The following GRAMD1A variants were observed in gnomAD, a reference collection of about 807,000 sequenced individuals.
GRAMD1A encodes protein Aster-A.
GRAMD1A carries 50 observed loss-of-function variants against 92.0 expected under a neutral mutation model. The ratio of observed to expected loss-of-function variants is 0.54; its 90% confidence interval spans 0.43 to 0.69. The LOEUF (loss-of-function observed/expected upper bound fraction) is 0.69. Ranked by LOEUF, GRAMD1A falls within the 30% of genes least tolerant of loss-of-function variation. The probability of loss-of-function intolerance (pLI) is 0.00; values close to 1 mark genes in which losing one functional copy is unlikely to be tolerated. For missense variants in GRAMD1A, 819 were observed against 978.9 expected (o/e 0.84, Z 2.18); for synonymous variants, 405 against 403.6 (o/e 1.00, Z -0.04).
intron 7 of GRAMD1A, 50 bp downstream of exon 7, chr19:35,011,604 A>C: frequency 1.5e-6 from 2 of 1,343,144 alleles, no homozygotes; most frequent in Non-Finnish European, 2.1e-6. Context: ...CAGGGGGACC[A>C]TGGAGCCAGG....
At chr19:35,007,707 A>C (rs1448551633) in intron 1 of GRAMD1A, among the ~76,000 whole-genome samples, 3 of 151,882 alleles carry the variant, frequency 2.0e-5, no homozygotes. Context: ...TCTGTACAAA[A>C]ATTTTTTAAA....
In GRAMD1A at chr19:35,022,897, C is replaced by T. The variant is rs1402901759; in HGVS notation, c.1842-3C>T. On this transcript the variant is annotated splice_region_variant and splice_polypyrimidine_tract_variant and intron_variant, in intron 16 of 19. Transcript: ENST00000317991. ...CTGTCTCCCCTCACTGCTGCTGCTG[C>T]AGGATCTGTGTGAGGTAGGGTCCCG... 2 of 1,604,306 alleles carry T rather than the reference C, an allele frequency of 1.2e-6. No individual in the cohort carries two copies. Among genetic ancestry groups the T allele is most frequent in the African/African-American group, 2.7e-5 (2 of 74,866 alleles).
At chr19:34,996,840 G>A (rs1355701887), upstream of GRAMD1A, among the ~76,000 whole-genome samples, 3 of 151,842 alleles carry the variant, frequency 2.0e-5, no homozygotes, top group East Asian at 5.8e-4. Context: ...GGGTGGAGAG[G>A]GACCCCACCC....
upstream of GRAMD1A, among the ~76,000 whole-genome samples, chr19:34,996,803 C>CCAA (rs1432814065): frequency 9.9e-5 from 6 of 60,468 alleles, no homozygotes; most frequent in Non-Finnish European, 3.6e-5. Flanking sequence ...GACTCTGTCT[C>CCAA]AAAAAAAAAA....
chr19:34,995,586 T>TTTG (rs1555709945), upstream of GRAMD1A, among the ~76,000 whole-genome samples: 156 of 144,244 alleles, frequency 1.1e-3, 14 homozygotes, highest in Non-Finnish European at 2.7e-4. Flanking sequence ...TTTTTTTTTT[T>TTTG]TTTTTTTTTT....
At chr19:35,004,417 T>C (rs183401715) in intron 1 of GRAMD1A, among the ~76,000 whole-genome samples, 363 of 152,316 alleles carry the variant, frequency 2.4e-3, no homozygotes, top group Non-Finnish European at 3.8e-3. Flanking sequence ...GAGTGGGTCC[T>C]GGACTCTGCC....
In GRAMD1A at chr19:35,013,347, C is replaced by T; in HGVS notation, c.698C>T (p.Pro233Leu). ...AGTGAGGATGAGGACTATGTCTCCC[C>T]CTTGCAGCTGAACGGTCTGGGGTGA... is the stretch of plus-strand genomic sequence containing the variant. ...LTSEDEDYVSPLQLNGLGTPK... is the reference protein window; with the variant it reads ...LTSEDEDYVSLLQLNGLGTPK... The change falls in exon 8 of 20, where the codon CCC becomes CTC. Residue 233 changes from proline (P) to leucine (L), a missense_variant. By Grantham distance (98) the Pro-to-Leu change is moderately conservative. Transcript: ENST00000317991. This position sits in a 1 kb window ranked among gnomAD's most constrained non-coding sequence, Gnocchi z 4.9. The T allele has an allele frequency of 6.4e-7, 1 of 1,555,038 alleles. No homozygotes were observed. Among genetic ancestry groups the T allele is most frequent in the Non-Finnish European group, 8.7e-7 (1 of 1,147,348 alleles).
chr19:35,011,725 C>T (rs1387367867), intron 7 of GRAMD1A, among the ~76,000 whole-genome samples, 171 bp downstream of exon 7: 1 of 152,218 alleles, frequency 6.6e-6, no homozygotes, highest in African/African-American at 2.4e-5. Context: ...AGCTGAGTCT[C>T]TGGCAAAGGG....
chr19:35,014,377 TG>T lies in GRAMD1A; in HGVS notation c.1063del (p.Glu355ArgfsTer52), dbSNP rs1369592717. 1 of 1,613,642 alleles carries T rather than the reference TG, an allele frequency of 6.2e-7. No homozygotes were observed. Among genetic ancestry groups the T allele is most frequent in the Non-Finnish European group, 8.5e-7 (1 of 1,179,728 alleles). On this transcript the variant is annotated frameshift_variant, in exon 10 of 20. Coordinates refer to ENST00000317991, the MANE Select transcript of GRAMD1A (RefSeq NM_020895.5). LOFTEE classifies it high-confidence loss of function. ...TDTSNSSSST[G>X]EEADLAALLP... ...ACACAAGTAACTCCTCTTCATCCAC[TG>T]GGGAGGAAGGTGAGGCAGGCGGGCC...
Position 35,026,143 on chromosome 19 carries a change from G to A in GRAMD1A, c.*2G>A. The A allele has an allele frequency of 6.7e-7, 1 of 1,502,182 alleles. No homozygotes were observed. The highest frequency in any genetic ancestry group is 9.3e-7 in the Non-Finnish European group (1 of 1,078,180). The allele number at this position is 1,502,182 out of a possible 1,614,324, so 93.1% of individuals were successfully genotyped here. On this transcript the variant is annotated 3_prime_UTR_variant, in exon 20 of 20. Transcript: ENST00000317991. ...CGGCCCGATGACAGCTTTTCCTGAG[G>A]ACCCCGGCCACGCAGCTGTTCCCCC...
At position 35,013,778 on chromosome 19, in the gene GRAMD1A, G is replaced by T. The variant is rs1298798090; in HGVS notation, c.870+87G>T. On this transcript the variant is annotated intron_variant, in intron 9 of 19. Coordinates refer to ENST00000317991, the MANE Select transcript of GRAMD1A (RefSeq NM_020895.5). The surrounding 1 kb of genome is among the most constrained non-coding windows in gnomAD (Gnocchi z 4.9). ...GCAGTGGGAGAAGAACAGCCTGACA[G>T]ATTTGGAGGGGAATGGATAGGGGGA... The T allele has an allele frequency of 1.2e-5, 16 of 1,346,310 alleles. No homozygotes were observed. Among genetic ancestry groups the T allele is most frequent in the Non-Finnish European group, 1.3e-5 (13 of 966,588 alleles). The allele number at this position is 1,346,310 out of a possible 1,614,324, so 83.4% of individuals were successfully genotyped here.
upstream of GRAMD1A, among the ~76,000 whole-genome samples, chr19:34,999,208 G>A (rs1001237776): frequency 1.6e-4 from 25 of 152,246 alleles, no homozygotes; most frequent in Non-Finnish European, 8.8e-5. Context: ...TTTATACGTG[G>A]AGCCCACAGT....
Position 35,000,556 on chromosome 19 carries a change from C to A in GRAMD1A, c.8+70C>A. 1 of 1,005,430 alleles carries A rather than the reference C, an allele frequency of 9.9e-7. No individual in the cohort carries two copies. Among genetic ancestry groups the A allele is most frequent in the Non-Finnish European group, 1.2e-6 (1 of 832,868 alleles). The allele number at this position is 1,005,430 out of a possible 1,614,324, so 62.3% of individuals were successfully genotyped here. ...AGGCCACCGGAGGGAGGGGGCGCCG[C>A]GGGCTTGGGGAGGGGGCGGAGCGGC... On this transcript the variant is annotated intron_variant, in intron 1 of 19. Coordinates refer to ENST00000317991, the MANE Select transcript of GRAMD1A (RefSeq NM_020895.5). The surrounding 1 kb of genome is among the most constrained non-coding windows in gnomAD (Gnocchi z 4.9).
At chr19:35,001,321 C>T (rs111941598) in intron 1 of GRAMD1A, 1 of 152,582 alleles carries the variant, frequency 6.6e-6, no homozygotes, top group African/African-American at 2.4e-5. Flanking sequence ...GTGTCTCATT[C>T]CATCTGTAGC....
chr19:35,001,355 CCT>C (rs1255629240), intron 1 of GRAMD1A: 1 of 152,430 alleles, frequency 6.6e-6, no homozygotes, highest in Non-Finnish European at 1.5e-5. Flanking sequence ...ATAAATTACC[CCT>C]GTGTGTCTGA....
At position 35,009,201 on chromosome 19, in the gene GRAMD1A, C is replaced by T; in HGVS notation, c.91C>T (p.Pro31Ser). The change falls in exon 2 of 20, where the codon CCC becomes TCC. Residue 31 changes from proline to serine, a missense_variant. Pro to Ser is a moderately conservative substitution (Grantham distance 74). Around this residue, in one of 3 missense-constraint regions of GRAMD1A, gnomAD observed 98 missense variants for 84.0 expected, o/e 1.17. Coordinates refer to ENST00000317991, the MANE Select transcript of GRAMD1A (RefSeq NM_020895.5). ...KRLQLLPPSR[P>S]PPEPEPGTMV... is the part of the protein sequence containing the mutation. ...GCTGCAGCTCCTGCCCCCAAGCCGGCCCCCACCTGAGCCAGAACCAGGCAC... is the reference window on the plus strand; with the variant it reads ...GCTGCAGCTCCTGCCCCCAAGCCGGTCCCCACCTGAGCCAGAACCAGGCAC... 1 of 1,613,316 alleles carries T rather than the reference C, an allele frequency of 6.2e-7. No individual in the cohort carries two copies. Among genetic ancestry groups the T allele is most frequent in the Non-Finnish European group, 8.5e-7 (1 of 1,179,234 alleles).
At chr19:35,011,328 G>C (rs1052216199) in intron 6 of GRAMD1A, 146 bp from the exon 7 acceptor site, 2 of 754,822 alleles carry the variant, frequency 2.6e-6, no homozygotes, top group Non-Finnish European at 4.8e-6. Flanking sequence ...CAGGACAGAC[G>C]TTTTGTGGAA....
chr19:35,009,079 T>C (rs1405592153), intron 1 of GRAMD1A, 40 bp from the exon 2 acceptor site: 1 of 1,403,560 alleles, frequency 7.1e-7, no homozygotes, highest in Non-Finnish European at 1.0e-6. Context: ...CCCAGCCTGT[T>C]TTTTCCAGTT....
In GRAMD1A at chr19:35,009,617, T is replaced by C. The variant is rs1444888791; in HGVS notation, c.240+174T>C. ...GTGACCTTGGGTGAGTTACTTAACC[T>C]CTCTGGGCCTCTCTCTGTCCTTGAG... On this transcript the variant is annotated intron_variant, in intron 3 of 19. Transcript: ENST00000317991. 10 of 700,596 alleles carry C rather than the reference T, an allele frequency of 1.4e-5. 1 individual carries two copies. Among genetic ancestry groups the C allele is most frequent in the Middle Eastern group, 4.0e-4 (1 of 2,512 alleles). 43.4% of individuals were successfully genotyped at this position (700,596 alleles called of 1,614,324 possible). A position where few individuals can be genotyped will look rare whatever the true frequency, so the allele number is the denominator to read the frequency against.
Sources: allele counts gnomAD v4.1 joint callset (sites outside exome capture counted in the v4.1 genomes callset), GRCh38; gene constraint gnomAD v4.1.1; regional missense constraint gnomAD v4.1.1; non-coding constraint Gnocchi (gnomAD v3.1); transcripts MANE v1.5; gene names NCBI Gene and HGNC (gene_info 2026-07-23, HGNC 2026-07-21).